RAB21: variants seen among roughly 807,000 people sequenced by gnomAD.
RAB21 encodes the protein RAB21, member RAS oncogene family, also known as ras-related protein Rab-21.
Under a neutral mutation model 33.1 loss-of-function variants are expected in RAB21, and 13 were observed. That is an observed-to-expected ratio of 0.39 (90% CI 0.26 to 0.62). RAB21 has a LOEUF of 0.62. RAB21 is among the 20% of genes least tolerant of loss of function. The probability of loss-of-function intolerance (pLI) is 0.48; values close to 1 mark genes in which losing one functional copy is unlikely to be tolerated. For missense variants in RAB21, 234 were observed against 279.1 expected (o/e 0.84, Z 1.15); for synonymous variants, 91 against 103.7 (o/e 0.88, Z 0.74).
intron 1 of RAB21, among the ~76,000 whole-genome samples, chr12:71,762,067 T>A (rs1304830960): frequency 6.6e-6 from 1 of 152,224 alleles, no homozygotes; most frequent in Non-Finnish European, 1.5e-5. Flanking sequence ...TAGTATTTTA[T>A]AGAAGTTTGG....
rs370037278 is a variant in RAB21 at position 71,785,707 on chromosome 12, A to T, written c.*34A>T. The T allele has an allele frequency of 1.2e-6, 2 of 1,611,560 alleles. No homozygotes were observed. The highest frequency in any genetic ancestry group is 1.7e-6 in the Non-Finnish European group (2 of 1,178,182). On this transcript the variant is annotated 3_prime_UTR_variant, in exon 7 of 7. Coordinates refer to ENST00000261263, the MANE Select transcript of RAB21 (RefSeq NM_014999.4). ...GCCTAAGAAATTAAAAGACAGAACA[A>T]AACTGTGGATCATTGCCCTCAACAT...
intron 1 of RAB21, among the ~76,000 whole-genome samples, chr12:71,767,688 G>C (rs970886941): frequency 7.9e-5 from 12 of 152,088 alleles, no homozygotes; most frequent in Non-Finnish European, 1.5e-4. Context: ...ACTGACAAGG[G>C]CTTAAGAAGA....
Position 71,789,168 on chromosome 12 carries a change from A to T in RAB21, c.*3495A>T, listed in dbSNP as rs1321063110. On this transcript the variant is annotated 3_prime_UTR_variant, in exon 7 of 7. Coordinates refer to ENST00000261263, the MANE Select transcript of RAB21 (RefSeq NM_014999.4). ...AATAGAATGGAAGTCAAGTAAATAAAAAACTACAACCTGACAGTTTTTTAA... is the reference window on the plus strand; with the variant it reads ...AATAGAATGGAAGTCAAGTAAATAATAAACTACAACCTGACAGTTTTTTAA... 1.3e-5 allele frequency: 2 copies of T among 152,014 alleles called. No homozygotes were observed. Among genetic ancestry groups the T allele is most frequent in the Non-Finnish European group, 2.9e-5 (2 of 67,944 alleles). The allele number at this position is 152,014 out of a possible 1,614,324, so 9.4% of individuals were successfully genotyped here.
intron 4 of RAB21, among the ~76,000 whole-genome samples, chr12:71,778,897 CT>C (rs1883158181): frequency 6.6e-6 from 1 of 152,088 alleles, no homozygotes. Flanking sequence ...AATCCCAGCA[CT>C]TTGGGAGGCT....
intron 1 of RAB21, among the ~76,000 whole-genome samples, chr12:71,761,063 T>G (rs912448872): frequency 9.3e-5 from 14 of 149,804 alleles, no homozygotes; most frequent in African/African-American, 3.2e-4. Context: ...AAAAAATAGC[T>G]GGGCATGGTG....
At chr12:71,759,279 A>G (rs1882835229) in intron 1 of RAB21, among the ~76,000 whole-genome samples, 1 of 152,208 alleles carries the variant, frequency 6.6e-6, no homozygotes, top group Admixed American at 6.5e-5. Context: ...TAAGGTGTGG[A>G]ATCTACTGTC....
intron 4 of RAB21, among the ~76,000 whole-genome samples, chr12:71,778,947 A>G (rs545938437): frequency 2.4e-4 from 37 of 152,264 alleles, no homozygotes; most frequent in African/African-American, 8.4e-4. Context: ...GTAAGTTTGT[A>G]TTACCTGTCA....
At chr12:71,776,726 A>G (rs1451437518) in intron 4 of RAB21, among the ~76,000 whole-genome samples, 1 of 151,846 alleles carries the variant, frequency 6.6e-6, no homozygotes, top group Admixed American at 6.6e-5. Context: ...AAAAAAAAAA[A>G]GAATTCTGAG....
At chr12:71,770,008 T>C (rs1365556323) in intron 2 of RAB21, 149 bp downstream of exon 2, 2 of 421,058 alleles carry the variant, frequency 4.7e-6, no homozygotes, top group African/African-American at 4.1e-5. Context: ...GGAATATAAT[T>C]GTATATTTGA....
chr12:71,757,131 A>G (rs569994276), intron 1 of RAB21, among the ~76,000 whole-genome samples: 3 of 152,172 alleles, frequency 2.0e-5, no homozygotes, highest in African/African-American at 4.8e-5. Flanking sequence ...TTTTCAAAAG[A>G]TAACTTGAGT....
rs1469459059 is a variant in RAB21 at position 71,789,464 on chromosome 12, T to C, written c.*3791T>C. 1 of 152,142 alleles carries C rather than the reference T, an allele frequency of 6.6e-6. No homozygotes were observed. The highest frequency in any genetic ancestry group is 1.5e-5 in the Non-Finnish European group (1 of 67,990). The allele number at this position is 152,142 out of a possible 1,614,324, so 9.4% of individuals were successfully genotyped here. A position where few individuals can be genotyped will look rare whatever the true frequency, so the allele number is the denominator to read the frequency against. ...GTGCCTTTAACTTTTAGAATTCATC[T>C]TTTGACTTGTTTGCCACTGTAGAGT... On this transcript the variant is annotated 3_prime_UTR_variant, in exon 7 of 7. Transcript: ENST00000261263.
chr12:71,780,150 G>GAATTA (rs1883176658), intron 4 of RAB21, among the ~76,000 whole-genome samples: 1 of 152,110 alleles, frequency 6.6e-6, no homozygotes, highest in Non-Finnish European at 1.5e-5. Flanking sequence ...TAATAAAGCA[G>GAATTA]TGTCTGAATT....
chr12:71,778,196 C>T (rs545551868), intron 4 of RAB21, among the ~76,000 whole-genome samples: 3 of 152,152 alleles, frequency 2.0e-5, no homozygotes, highest in African/African-American at 4.8e-5. Context: ...TAATAGAGAA[C>T]CACATGTTTC....
chr12:71,759,446 A>C (rs1203866680), intron 1 of RAB21, among the ~76,000 whole-genome samples: 3 of 152,256 alleles, frequency 2.0e-5, no homozygotes, highest in African/African-American at 7.2e-5. Flanking sequence ...GTGATACATG[A>C]CCAGAAGTGC....
At position 71,785,556 on chromosome 12, in the gene RAB21, T is replaced by C; in HGVS notation, c.561T>C (p.Asp187=). ...GGATGATAGAAACAGCACAAGTGGA[T>C]GAGAGAGCAAAAGGCAATGGCTCTA... is the stretch of plus-strand genomic sequence containing the variant. The part of the protein sequence containing the change: ...CKRMIETAQV[D]ERAKGNGSSQ... Residue 187 remains aspartate (D), a synonymous_variant, in exon 7 of 7, where the codon GAT becomes GAC. Transcript: ENST00000261263. 1 of 1,614,134 alleles carries C rather than the reference T, an allele frequency of 6.2e-7. No individual in the cohort carries two copies. The highest frequency in any genetic ancestry group is 8.5e-7 in the Non-Finnish European group (1 of 1,179,994).
At chr12:71,782,910 T>A (rs945043357) in intron 6 of RAB21, among the ~76,000 whole-genome samples, 1 of 152,050 alleles carries the variant, frequency 6.6e-6, no homozygotes, top group Non-Finnish European at 1.5e-5. Context: ...TATTATAATA[T>A]ATGCATAAGT....
chr12:71,781,642 T>C (rs1035626221), intron 4 of RAB21, among the ~76,000 whole-genome samples: 7 of 152,218 alleles, frequency 4.6e-5, no homozygotes, highest in South Asian at 4.1e-4. Flanking sequence ...GCCATACTTA[T>C]TGACCGGCTC....
At chr12:71,765,384 T>A (rs964275796) in intron 1 of RAB21, among the ~76,000 whole-genome samples, 6 of 152,198 alleles carry the variant, frequency 3.9e-5, no homozygotes, top group Admixed American at 1.3e-4. Context: ...TTACGAACAT[T>A]TTCTTCCACT....
Position 71,785,778 on chromosome 12 carries a change from T to C in RAB21, c.*105T>C, listed in dbSNP as rs369311533. The C allele has an allele frequency of 3.0e-4, 407 of 1,340,796 alleles. 3 individuals are homozygous for C. The South Asian group carries it at 4.7e-3, about 15-fold the overall frequency. The allele number at this position is 1,340,796 out of a possible 1,614,324, so 83.1% of individuals were successfully genotyped here. On this transcript the variant is annotated 3_prime_UTR_variant, in exon 7 of 7. Transcript: ENST00000261263. ...TCACATTATTTTACCAATGGAATTA[T>C]AGAATTAACAGTATTTTAAATTACG...
Sources: gnomAD v4.1 joint callset for allele counts (sites outside exome capture counted in the v4.1 genomes callset) on GRCh38, gnomAD v4.1.1 for gene constraint, MANE v1.5 for transcripts, NCBI Gene and HGNC (gene_info 2026-07-23, HGNC 2026-07-21) for gene names.